The following ZNF234 variants were observed in gnomAD, a reference collection of about 807,000 sequenced individuals.
ZNF234 encodes C2-H2 type zinc finger protein.
ZNF234 carries 4 observed loss-of-function variants against 10.3 expected under a neutral mutation model. The observed-to-expected ratio is 0.39, with a 90% CI of 0.19 to 0.89. The LOEUF (loss-of-function observed/expected upper bound fraction) is 0.89. ZNF234 is among the 40% of genes least tolerant of loss of function. The pLI is 0.38. For synonymous variants in ZNF234, 258 were observed against 280.1 expected (o/e 0.92, Z 0.79); for missense variants, 711 against 836.1 (o/e 0.85, Z 1.85).
intron 4 of ZNF234, 102 bp from the exon 5 acceptor site, chr19:44,150,311 T>TG: frequency 2.6e-6 from 2 of 757,562 alleles, no homozygotes; most frequent in Non-Finnish European, 3.9e-6. Flanking sequence ...AAAACACTAC[T>TG]TTTGATTGAT....
rs1403084213 is a variant in ZNF234 at position 44,159,869 on chromosome 19, A to G, written c.*1750A>G. Reference sequence around the variant, plus strand: ...ACCAACATGGTGAAACCCCATCTCTACTAAATACAAAAATTAGCTGGGCAT... The same window carrying G: ...ACCAACATGGTGAAACCCCATCTCTGCTAAATACAAAAATTAGCTGGGCAT... On this transcript the variant is annotated 3_prime_UTR_variant, in exon 6 of 6. Transcript: ENST00000426739. The G allele has an allele frequency of 1.7e-5, 3 of 174,912 alleles. No homozygotes were observed. The highest frequency in any genetic ancestry group is 3.8e-5 in the Non-Finnish European group (3 of 79,628). 10.8% of individuals were successfully genotyped at this position (174,912 alleles called of 1,614,324 possible). A position where few individuals can be genotyped will look rare whatever the true frequency, so the allele number is the denominator to read the frequency against.
In ZNF234 at chr19:44,157,809, G is replaced by A; in HGVS notation, c.1793G>A (p.Cys598Tyr). Residue 598 changes from cysteine (C) to tyrosine (Y), a missense_variant, in exon 6 of 6, where the codon TGT becomes TAT. Cys to Tyr is a radical substitution (Grantham distance 194). Coordinates refer to ENST00000426739, the MANE Select transcript of ZNF234 (RefSeq NM_006630.3). The part of the protein sequence containing the change: ...RVHTGEKPYT[C>Y]GECGKHFSQA... ...CACACAGGAGAAAAACCCTATACAT[G>A]TGGGGAGTGTGGGAAGCACTTCAGT... The A allele has an allele frequency of 6.2e-7, 1 of 1,614,080 alleles. No individual in the cohort carries two copies. Among genetic ancestry groups the A allele is most frequent in the Non-Finnish European group, 8.5e-7 (1 of 1,180,008 alleles).
In ZNF234 at chr19:44,144,706, T is replaced by A. The variant is rs1363738193; in HGVS notation, c.15+59T>A. On this transcript the variant is annotated intron_variant, in intron 3 of 5. Transcript: ENST00000426739. ...TCCATCTCACTATTCTCATGTTTCC[T>A]GAGGAAGACTCAAGAACAACGGGCA... is the stretch of plus-strand genomic sequence containing the variant. 39 of 1,469,224 alleles carry A rather than the reference T, an allele frequency of 2.7e-5. 1 individual carries two copies. 91.0% of individuals were successfully genotyped at this position (1,469,224 alleles called of 1,614,324 possible). A position where few individuals can be genotyped will look rare whatever the true frequency, so the allele number is the denominator to read the frequency against.
At chr19:44,156,140 A>T in intron 5 of ZNF234, 112 bp from the exon 6 acceptor site, 1 of 950,516 alleles carries the variant, frequency 1.1e-6, no homozygotes, top group Non-Finnish European at 1.6e-6. Context: ...AAAGACCATT[A>T]CACAAACTGG....
intron 5 of ZNF234, among the ~76,000 whole-genome samples, chr19:44,151,541 C>T (rs559237987): frequency 6.6e-6 from 1 of 152,288 alleles, no homozygotes; most frequent in Non-Finnish European, 1.5e-5. Context: ...TTACCCCAAA[C>T]TGAGTGGATT....
In ZNF234 at chr19:44,156,262, C is replaced by G. The variant is rs758551176; in HGVS notation, c.246C>G (p.Ile82Met). The G allele has an allele frequency of 1.9e-6, 3 of 1,548,122 alleles. No individual in the cohort carries two copies. In the African/African-American group the frequency reaches 4.1e-5, roughly 21 times the overall value. ...TCTCTGTCCTTACAGCAGACAAGAT[C>G]CAAAGTGAGGTGGAGACTGTTCCAG... ...TQRKGKSADK[I>M]QSEVETVPEA... The change falls in exon 6 of 6, where the codon ATC becomes ATG. Residue 82 changes from isoleucine to methionine, a missense_variant. Coordinates refer to ENST00000426739, the MANE Select transcript of ZNF234 (RefSeq NM_006630.3).
chr19:44,159,885 A>C lies in ZNF234; in HGVS notation c.*1766A>C, dbSNP rs1159049938. ...CCCATCTCTACTAAATACAAAAATT[A>C]GCTGGGCATGGTGGCAGGCGCCTGT... On this transcript the variant is annotated 3_prime_UTR_variant, in exon 6 of 6. Transcript: ENST00000426739. 5.9e-6 allele frequency: 1 copy of C among 168,802 alleles called. No individual in the cohort carries two copies. Among genetic ancestry groups the C allele is most frequent in the African/African-American group, 2.4e-5 (1 of 42,144 alleles). 10.5% of individuals were successfully genotyped at this position (168,802 alleles called of 1,614,324 possible).
chr19:44,145,079 C>T lies in ZNF234; in HGVS notation c.15+432C>T, dbSNP rs536279581. Among the ~76,000 whole-genome samples, 338 of 152,258 alleles carry T rather than the reference C, an allele frequency of 2.2e-3. 1 individual carries two copies. The highest frequency in any genetic ancestry group is 7.7e-3 in the African/African-American group (318 of 41,542). ...GGGGTCCTTGAACCAATTCCCCAAG[C>T]GTATTGAGCGACAACTGTATTTATT... On this transcript the variant is annotated intron_variant, in intron 3 of 5. Transcript: ENST00000426739.
Position 44,157,835 on chromosome 19 carries a change from C to T in ZNF234, c.1819C>T (p.Gln607Ter). 1 of 1,614,042 alleles carries T rather than the reference C, an allele frequency of 6.2e-7. No individual in the cohort carries two copies. Among genetic ancestry groups the T allele is most frequent in the Non-Finnish European group, 8.5e-7 (1 of 1,180,020 alleles). ...TGGGGAGTGTGGGAAGCACTTCAGTCAGGCCTCAAGTCTCCAACTTCATCA... is the reference window on the plus strand; with the variant it reads ...TGGGGAGTGTGGGAAGCACTTCAGTTAGGCCTCAAGTCTCCAACTTCATCA... ...TCGECGKHFSQASSLQLHQSV... is the reference protein window; with the variant it reads ...TCGECGKHFS The change falls in exon 6 of 6, where the codon CAG (glutamine) becomes TAG (stop). Residue 607 changes from glutamine (Q) to a stop codon, truncating the protein, a stop_gained. Transcript: ENST00000426739. LOFTEE classifies it low-confidence loss of function (END_TRUNC).
intron 5 of ZNF234, among the ~76,000 whole-genome samples, chr19:44,154,416 A>C (rs1013951367): frequency 6.6e-6 from 1 of 152,236 alleles, no homozygotes; most frequent in East Asian, 1.9e-4. Flanking sequence ...ACTTGCTGAC[A>C]GAAGCTAAAG....
In ZNF234 at chr19:44,160,065, T is replaced by C. The variant is rs1206993210; in HGVS notation, c.*1946T>C. 6.6e-6 allele frequency: 1 copy of C among 151,060 alleles called. No homozygotes were observed. Among genetic ancestry groups the C allele is most frequent in the Non-Finnish European group, 1.5e-5 (1 of 67,840 alleles). 9.4% of individuals were successfully genotyped at this position (151,060 alleles called of 1,614,324 possible). On this transcript the variant is annotated 3_prime_UTR_variant, in exon 6 of 6. Transcript: ENST00000426739. ...AAAAAAAAACTTCTGAGGTAGGGGC[T>C]GTACCATATTTTTGCCCCACACCCA...
chr19:44,157,940 CAT>C lies in ZNF234; in HGVS notation c.1926_1927del (p.His642GlnfsTer13). The C allele has an allele frequency of 6.2e-7, 1 of 1,614,052 alleles. No individual in the cohort carries two copies. The highest frequency in any genetic ancestry group is 2.2e-5 in the East Asian group (1 of 44,880). ...CAGTCGGTCTTCACAATTACAGTAT[CAT>C]AGGCGAGTTCACACTGGGGAAAAAC... is the stretch of plus-strand genomic sequence containing the variant. ...VFSRSSQLQY[H>X]RRVHTGEKPY... On this transcript the variant is annotated frameshift_variant, in exon 6 of 6. Coordinates refer to ENST00000426739, the MANE Select transcript of ZNF234 (RefSeq NM_006630.3). LOFTEE classifies it low-confidence loss of function (END_TRUNC).
rs552144196 is a variant in ZNF234, at chr19:44,142,960, T to G, written c.-77+593T>G. 9.2e-5 allele frequency among the ~76,000 whole-genome samples: 14 copies of G among 152,330 alleles called. No homozygotes were observed. In the East Asian group the frequency reaches 2.7e-3, roughly 29 times the overall value. ...TTACAAAATTTTTATTATACATTTC[T>G]CAATGTTTTTCTATTTATCTGCTTA... On this transcript the variant is annotated intron_variant, in intron 2 of 5. Transcript: ENST00000426739.
At chr19:44,149,392 G>A (rs1237103434) in intron 4 of ZNF234, among the ~76,000 whole-genome samples, 1 of 152,122 alleles carries the variant, frequency 6.6e-6, no homozygotes, top group African/African-American at 2.4e-5. Context: ...AGGTTGTAGT[G>A]AGCCTAGATC....
In ZNF234 at chr19:44,144,538, C is replaced by G. The variant is rs1599691691; in HGVS notation, c.-76-19C>G. On this transcript the variant is annotated intron_variant, in intron 2 of 5. Transcript: ENST00000426739. ...CATCCCTGGCCACGCTTTCATGTCT[C>G]TTTTTGTGTCTTCCATAGTGTTCCA... The G allele has an allele frequency of 2.5e-6, 3 of 1,206,246 alleles. No individual in the cohort carries two copies. The highest frequency in any genetic ancestry group is 2.6e-5 in the East Asian group (1 of 39,044). The allele number at this position is 1,206,246 out of a possible 1,614,324, so 74.7% of individuals were successfully genotyped here. A position where few individuals can be genotyped will look rare whatever the true frequency, so the allele number is the denominator to read the frequency against.
Position 44,159,708 on chromosome 19 carries a change from T to C in ZNF234, c.*1589T>C. 3 of 421,192 alleles carry C rather than the reference T, an allele frequency of 7.1e-6. No individual in the cohort carries two copies. Among genetic ancestry groups the C allele is most frequent in the Non-Finnish European group, 1.5e-5 (3 of 198,920 alleles). The allele number at this position is 421,192 out of a possible 1,614,324, so 26.1% of individuals were successfully genotyped here. ...CCACATTTCCATCCAGACTTTGACA[T>C]GATTGCCGTCTAATAACTGTAGCAT... On this transcript the variant is annotated 3_prime_UTR_variant, in exon 6 of 6. Transcript: ENST00000426739.
rs780360126 is a variant in ZNF234 at position 44,150,514 on chromosome 19, C to A, written c.235+9C>A. The stretch of plus-strand genomic sequence containing the variant: ...AAGAAAAGGGAAATCAGGTAAGAAC[C>A]AAGCAGCTAAGAGTCCTTGTACGTG... On this transcript the variant is annotated intron_variant, in intron 5 of 5. Coordinates refer to ENST00000426739, the MANE Select transcript of ZNF234 (RefSeq NM_006630.3). 2 of 1,567,424 alleles carry A rather than the reference C, an allele frequency of 1.3e-6. No homozygotes were observed. The highest frequency in any genetic ancestry group is 8.7e-7 in the Non-Finnish European group (1 of 1,155,440).
chr19:44,144,467 G>T lies in ZNF234; in HGVS notation c.-76-90G>T. On this transcript the variant is annotated intron_variant, in intron 2 of 5. Transcript: ENST00000426739. ...GGATTATTATGAATAATGCCACCGTGACCATTCGTGTGCTAATTCACAGTA... is the reference window on the plus strand; with the variant it reads ...GGATTATTATGAATAATGCCACCGTTACCATTCGTGTGCTAATTCACAGTA... 3 of 477,564 alleles carry T rather than the reference G, an allele frequency of 6.3e-6. No individual in the cohort carries two copies. In the South Asian group the frequency reaches 2.9e-4, roughly 47 times the overall value. The allele number at this position is 477,564 out of a possible 1,614,324, so 29.6% of individuals were successfully genotyped here. A position where few individuals can be genotyped will look rare whatever the true frequency, so the allele number is the denominator to read the frequency against.
Position 44,150,448 on chromosome 19 carries a change from GA to G in ZNF234, c.182del (p.Lys61ArgfsTer7). The part of the protein sequence containing the change: ...HPFKHDVFLL[E>X]KEKKLDIMKT... ...CTTCAAACATGATGTATTCCTTTTA[GA>G]AAAGGAAAAAAAGCTTGATATAATG... is the stretch of plus-strand genomic sequence containing the variant. On this transcript the variant is annotated frameshift_variant, in exon 5 of 6. Coordinates refer to ENST00000426739, the MANE Select transcript of ZNF234 (RefSeq NM_006630.3). LOFTEE classifies it high-confidence loss of function. The G allele has an allele frequency of 1.3e-6, 2 of 1,588,486 alleles. No individual in the cohort carries two copies. Among genetic ancestry groups the G allele is most frequent in the South Asian group, 1.2e-5 (1 of 86,886 alleles).
Sources: allele counts gnomAD v4.1 joint callset (sites outside exome capture counted in the v4.1 genomes callset), GRCh38; gene constraint gnomAD v4.1.1; transcripts MANE v1.5; gene names NCBI Gene and HGNC (gene_info 2026-07-23, HGNC 2026-07-21).